The following LYRM4 variants were observed in gnomAD, a reference collection of about 807,000 sequenced individuals.
LYRM4 encodes LYR motif containing 4, also known as LYR motif-containing protein 4.
LYRM4 carries 9 observed loss-of-function variants against 11.7 expected under a neutral mutation model. The observed-to-expected ratio is 0.77, with a 90% CI of 0.46 to 1.34. LYRM4 has a LOEUF of 1.34. Ranked by LOEUF, LYRM4 falls within the 40% of genes most tolerant of loss-of-function variation. LYRM4 has a pLI of 0.00. For synonymous variants in LYRM4, 42 were observed against 40.4 expected (o/e 1.04, Z -0.15); for missense variants, 133 against 112.5 (o/e 1.18, Z -0.82).
At chr6:5,107,326 A>G (rs1434907323), downstream of LYRM4, 3 of 152,340 alleles carry the variant, frequency 2.0e-5, no homozygotes, top group African/African-American at 2.4e-5. Context: ...TGGAGCTGTT[A>G]TCTTGCCGGC....
intron 1 of LYRM4, among the ~76,000 whole-genome samples, chr6:5,253,332 C>A (rs1764517704): frequency 6.6e-6 from 1 of 151,908 alleles, no homozygotes; most frequent in South Asian, 2.1e-4. Flanking sequence ...AAAAGGAATG[C>A]AGTTTTTGCA....
intron 2 of LYRM4, among the ~76,000 whole-genome samples, chr6:5,188,952 G>T (rs963934313): frequency 6.6e-6 from 1 of 152,064 alleles, no homozygotes; most frequent in African/African-American, 2.4e-5. Context: ...TAGAGACAGG[G>T]GTTTCACCAT....
chr6:5,086,064 G>A, the LYRM4 span: 11 of 1,473,178 alleles, frequency 7.5e-6, no homozygotes, highest in Non-Finnish European at 9.8e-6. Flanking sequence ...TTTCAGCGCC[G>A]CCTTCCCGGC....
intron 2 of LYRM4, among the ~76,000 whole-genome samples, chr6:5,209,765 C>T (rs1761895095): frequency 6.6e-6 from 1 of 152,174 alleles, no homozygotes; most frequent in African/African-American, 2.4e-5. Flanking sequence ...GTGTGTGTTA[C>T]TTATCCAGCA....
rs1340904289 is a variant in LYRM4 at position 5,245,816 on chromosome 6, T to A, written c.86+14832A>T. On this transcript the variant is annotated intron_variant, in intron 1 of 2. Transcript: ENST00000330636. ...CCTTGCTGGGGTCCAGGCGAGTGAGTGCAGAAGATCTTAAGACAGAGGGAC... is the reference window on the plus strand; with the variant it reads ...CCTTGCTGGGGTCCAGGCGAGTGAGAGCAGAAGATCTTAAGACAGAGGGAC... Among the ~76,000 whole-genome samples the A allele has an allele frequency of 2.6e-5, 4 of 152,102 alleles. No individual in the cohort carries two copies. The East Asian group carries it at 7.7e-4, about 29-fold the overall frequency.
At chr6:5,238,859 T>C (rs1464342241) in intron 1 of LYRM4, among the ~76,000 whole-genome samples, 1 of 152,226 alleles carries the variant, frequency 6.6e-6, no homozygotes, top group Non-Finnish European at 1.5e-5. Context: ...GACACAGTTA[T>C]TCATAGTCCG....
chr6:5,230,243 T>C (rs1304028929), intron 1 of LYRM4, among the ~76,000 whole-genome samples: 1 of 152,234 alleles, frequency 6.6e-6, no homozygotes, highest in Non-Finnish European at 1.5e-5. Context: ...AACTCAAAGA[T>C]GACCACATGC....
At chr6:5,146,370 G>A (rs1047468520) in intron 2 of LYRM4, among the ~76,000 whole-genome samples, 3 of 152,162 alleles carry the variant, frequency 2.0e-5, no homozygotes, top group African/African-American at 4.8e-5. Context: ...ATCTTCTGAG[G>A]GGGTATTGTT....
intron 2 of LYRM4, among the ~76,000 whole-genome samples, chr6:5,183,233 T>C (rs78371030): frequency 0.012 from 1,774 of 152,268 alleles, 33 homozygotes; most frequent in African/African-American, 0.04. Context: ...AAGTACTGTG[T>C]TCTAATTCCA....
At chr6:5,231,751 A>G (rs1763256338) in intron 1 of LYRM4, among the ~76,000 whole-genome samples, 1 of 152,250 alleles carries the variant, frequency 6.6e-6, no homozygotes. Flanking sequence ...GCACTGTAAC[A>G]TAACTAGGGA....
chr6:5,112,357 A>G (rs1762921742), intron 2 of LYRM4, among the ~76,000 whole-genome samples: 1 of 152,092 alleles, frequency 6.6e-6, no homozygotes, highest in Non-Finnish European at 1.5e-5. Flanking sequence ...ACTGCTCAGC[A>G]GATCTGTGAT....
the LYRM4 span, among the ~76,000 whole-genome samples, chr6:5,034,971 G>A: frequency 6.6e-6 from 1 of 151,600 alleles, no homozygotes; most frequent in African/African-American, 2.4e-5. Context: ...AAAAATACCC[G>A]CTGAGTGCTA....
At chr6:5,055,426 G>A in the LYRM4 span, among the ~76,000 whole-genome samples, 1 of 152,328 alleles carries the variant, frequency 6.6e-6, no homozygotes, top group Admixed American at 6.5e-5. The surrounding 1 kb of genome is among the most constrained non-coding windows in gnomAD (Gnocchi z 4.5). Context: ...ATGGGAGTAA[G>A]AGTAGGCCAA....
intron 2 of LYRM4, among the ~76,000 whole-genome samples, chr6:5,200,410 C>A (rs1195052393): frequency 1.3e-5 from 2 of 152,146 alleles, no homozygotes; most frequent in African/African-American, 4.8e-5. Context: ...CCCCAAAGAG[C>A]CTCCTCAGGA....
the LYRM4 span, among the ~76,000 whole-genome samples, chr6:5,082,902 T>TGG: frequency 8.4e-6 from 1 of 119,238 alleles, no homozygotes; most frequent in Non-Finnish European, 1.9e-5. Context: ...CAGCACGTTC[T>TGG]TCCTTGCAGT....
the LYRM4 span, among the ~76,000 whole-genome samples, chr6:5,075,092 G>T: frequency 6.6e-6 from 1 of 152,040 alleles, no homozygotes; most frequent in Non-Finnish European, 1.5e-5. Context: ...TTCACCTTCC[G>T]CCATGATTGT....
At chr6:5,109,659 A>T (rs2127592939) in intron 2 of LYRM4, among the ~76,000 whole-genome samples, 168 bp from the exon 3 acceptor site, 1 of 152,132 alleles carries the variant, frequency 6.6e-6, no homozygotes, top group East Asian at 1.9e-4. Context: ...GCACCATCCA[A>T]CCCCCGTTTC....
the LYRM4 span, among the ~76,000 whole-genome samples, chr6:5,060,717 G>A: frequency 6.6e-6 from 1 of 152,036 alleles, no homozygotes; most frequent in South Asian, 2.1e-4. Context: ...TAGTAGACAC[G>A]GAGTTTCACT....
At chr6:5,105,571 G>C (rs2127590908), downstream of LYRM4, 1 of 152,556 alleles carries the variant, frequency 6.6e-6, no homozygotes, top group African/African-American at 2.4e-5. Flanking sequence ...CCAGCACTTT[G>C]GGAGGCCGAG....
Sources: allele counts gnomAD v4.1 joint callset (sites outside exome capture counted in the v4.1 genomes callset), GRCh38; gene constraint gnomAD v4.1.1; non-coding constraint Gnocchi (gnomAD v3.1); transcripts MANE v1.5; gene names NCBI Gene and HGNC (gene_info 2026-07-23, HGNC 2026-07-21).